The following DPY19L2 variants were observed in gnomAD, a reference collection of about 807,000 sequenced individuals.
The protein encoded by DPY19L2 is dpy-19 like 2.
DPY19L2 carries 34 observed loss-of-function variants against 97.9 expected under a neutral mutation model. The ratio of observed to expected loss-of-function variants is 0.35; its 90% confidence interval spans 0.26 to 0.46. The LOEUF (loss-of-function observed/expected upper bound fraction) is 0.46. Among genes scored for constraint, DPY19L2 ranks in the 20% least tolerant of loss-of-function variants. The pLI is 1.00. For missense variants in DPY19L2, 623 were observed against 911.4 expected, an observed-to-expected ratio of 0.68 and a Z score of 4.07; for synonymous variants, 230 against 307.9, an observed-to-expected ratio of 0.75 and a Z score of 2.65.
intron 4 of DPY19L2, among the ~76,000 whole-genome samples, chr12:63,650,497 C>T (rs1400183855): frequency 3.3e-5 from 5 of 152,036 alleles, no homozygotes; most frequent in Non-Finnish European, 7.4e-5. Flanking sequence ...AATCAATGTA[C>T]CAAAGTCAGT....
chr12:63,587,357 G>C (rs2942608), intron 16 of DPY19L2, among the ~76,000 whole-genome samples: 1 of 145,854 alleles, frequency 6.9e-6, no homozygotes, highest in Non-Finnish European at 1.5e-5. Context: ...AGAAAAATAA[G>C]TTGATGTACT....
chr12:63,655,312 C>T (rs1222603518), intron 4 of DPY19L2, among the ~76,000 whole-genome samples: 4 of 152,060 alleles, frequency 2.6e-5, no homozygotes, highest in African/African-American at 9.7e-5. Context: ...AAAATAGTGA[C>T]AATACCAAAT....
chr12:63,590,838 C>T (rs1385141733), intron 16 of DPY19L2, among the ~76,000 whole-genome samples: 1 of 151,932 alleles, frequency 6.6e-6, no homozygotes, highest in Non-Finnish European at 1.5e-5. Context: ...AGATTTAACC[C>T]GGAACCCTCT....
chr12:63,575,116 A>AT (rs1200602683), intron 19 of DPY19L2, among the ~76,000 whole-genome samples: 4 of 134,008 alleles, frequency 3.0e-5, no homozygotes, highest in African/African-American at 1.2e-4. Context: ...AATATAATGT[A>AT]TCTTCTCTGA....
At chr12:63,662,169 T>C (rs1443202142) in intron 3 of DPY19L2, among the ~76,000 whole-genome samples, 2 of 152,198 alleles carry the variant, frequency 1.3e-5, no homozygotes, top group African/African-American at 4.8e-5. Flanking sequence ...GCATATTGTG[T>C]CTAGTTTCCC....
At chr12:63,626,617 A>T (rs1438941492) in intron 6 of DPY19L2, 91 bp from the exon 7 acceptor site, 12 of 1,475,110 alleles carry the variant, frequency 8.1e-6, no homozygotes, top group Non-Finnish European at 1.1e-5. Flanking sequence ...AGAATTTAAA[A>T]TCACAGTTTT....
At chr12:63,606,102 A>G (rs1044717821) in intron 12 of DPY19L2, among the ~76,000 whole-genome samples, 1 of 152,108 alleles carries the variant, frequency 6.6e-6, no homozygotes, top group Non-Finnish European at 1.5e-5. Flanking sequence ...CAAAGAATAG[A>G]AATCCAATTG....
chr12:63,649,603 A>G (rs533782732), intron 4 of DPY19L2, among the ~76,000 whole-genome samples: 1 of 152,254 alleles, frequency 6.6e-6, no homozygotes, highest in South Asian at 2.1e-4. Flanking sequence ...TCCTGGAAAT[A>G]TATAACCTCC....
At chr12:63,640,104 G>A (rs1565822734) in intron 6 of DPY19L2, among the ~76,000 whole-genome samples, 2 of 152,144 alleles carry the variant, frequency 1.3e-5, no homozygotes, top group Non-Finnish European at 2.9e-5. Context: ...CCCAAGGACA[G>A]AAAACCAAAC....
intron 4 of DPY19L2, among the ~76,000 whole-genome samples, chr12:63,656,884 T>A (rs1895042833): frequency 7.1e-6 from 1 of 141,428 alleles, no homozygotes; most frequent in South Asian, 2.4e-4. Flanking sequence ...ATTCTTATAG[T>A]GTCCAACTCT....
At chr12:63,592,741 T>C (rs1883347721) in intron 16 of DPY19L2, among the ~76,000 whole-genome samples, 1 of 150,948 alleles carries the variant, frequency 6.6e-6, no homozygotes, top group African/African-American at 2.4e-5. Context: ...AAGGACTTCA[T>C]GTCTAAAACA....
intron 19 of DPY19L2, among the ~76,000 whole-genome samples, chr12:63,574,526 TAAAAC>T (rs567479681): frequency 3.3e-5 from 5 of 151,602 alleles, no homozygotes; most frequent in Non-Finnish European, 7.4e-5. Flanking sequence ...AGCTGAATAA[TAAAAC>T]AAAACACTAA....
At chr12:63,659,098 C>T (rs1226610112) in intron 4 of DPY19L2, among the ~76,000 whole-genome samples, 1 of 152,054 alleles carries the variant, frequency 6.6e-6, no homozygotes, top group Non-Finnish European at 1.5e-5. Context: ...GGTATATCTA[C>T]TGGAAAGTAA....
In DPY19L2 at chr12:63,569,150, G is replaced by A. The variant is rs566295276; in HGVS notation, c.2126+74C>T. 3.4e-6 allele frequency: 5 copies of A among 1,477,022 alleles called. No homozygotes were observed. The Admixed American group carries it at 1.2e-4, about 37-fold the overall frequency. The allele number at this position is 1,477,022 out of a possible 1,614,324, so 91.5% of individuals were successfully genotyped here. On this transcript the variant is annotated intron_variant, in intron 21 of 21. Coordinates refer to ENST00000324472, the MANE Select transcript of DPY19L2 (RefSeq NM_173812.5). ...TAAAATAAAAATTCTTAAAGAATCAGGACTACTATAATAAAGTGAAACATT... is the reference window on the plus strand; with the variant it reads ...TAAAATAAAAATTCTTAAAGAATCAAGACTACTATAATAAAGTGAAACATT...
chr12:63,626,563 C>G (rs763362327), intron 6 of DPY19L2, 37 bp from the exon 7 acceptor site: 5 of 1,527,810 alleles, frequency 3.3e-6, no homozygotes, highest in Admixed American at 2.3e-5. Context: ...AGAATACAAT[C>G]AAAATTCATG....
chr12:63,653,069 G>A (rs1894486127), intron 4 of DPY19L2, among the ~76,000 whole-genome samples: 1 of 151,992 alleles, frequency 6.6e-6, no homozygotes, highest in Non-Finnish European at 1.5e-5. Context: ...AGAGATAGAA[G>A]AAAATAACCA....
At chr12:63,609,455 T>C (rs1827070) in intron 11 of DPY19L2, among the ~76,000 whole-genome samples, 7,575 of 152,140 alleles carry the variant, frequency 0.05, 555 homozygotes, top group African/African-American at 0.17. Context: ...GGTGAAACCC[T>C]CATGAATGGG....
chr12:63,632,912 A>T lies in DPY19L2; in HGVS notation c.804-6386T>A, dbSNP rs898121790. Among the ~76,000 whole-genome samples, 8 of 152,128 alleles carry T rather than the reference A, an allele frequency of 5.3e-5. No individual in the cohort carries two copies. The South Asian group carries it at 6.2e-4, about 12-fold the overall frequency. The stretch of plus-strand genomic sequence containing the variant: ...ACAGAGCCCTCAGAAATAATGCTGC[A>T]TATCTACAACCATCTGATCTTTGAC... On this transcript the variant is annotated intron_variant, in intron 6 of 21. Coordinates refer to ENST00000324472, the MANE Select transcript of DPY19L2 (RefSeq NM_173812.5).
At chr12:63,561,167 T>C (rs1302525279) in intron 21 of DPY19L2, among the ~76,000 whole-genome samples, 1 of 152,204 alleles carries the variant, frequency 6.6e-6, no homozygotes, top group Non-Finnish European at 1.5e-5. Flanking sequence ...GCTCTATGAC[T>C]GGGCTAAATG....
Sources: gnomAD v4.1 joint callset for allele counts (sites outside exome capture counted in the v4.1 genomes callset) on GRCh38, gnomAD v4.1.1 for gene constraint, MANE v1.5 for transcripts, NCBI Gene and HGNC (gene_info 2026-07-23, HGNC 2026-07-21) for gene names.